The following EYS variants were observed in gnomAD, a reference collection of about 807,000 sequenced individuals.
EYS encodes the protein protein eyes shut homolog.
EYS carries 250 observed loss-of-function variants against 282.1 expected under a neutral mutation model. The observed-to-expected ratio is 0.89, with a 90% CI of 0.80 to 0.98. The LOEUF is 0.98. EYS is among the 50% of genes least tolerant of loss of function. The pLI is 0.00. For synonymous variants in EYS, 1,355 were observed against 1,282.9 expected (o/e 1.06, Z -1.20); for missense variants, 4,016 against 3,709.0 (o/e 1.08, Z -2.15).
At chr6:64,253,982 C>A (rs951379163) in intron 30 of EYS, among the ~76,000 whole-genome samples, 7 of 152,106 alleles carry the variant, frequency 4.6e-5, no homozygotes, top group African/African-American at 1.7e-4. Context: ...TAACCCCCAA[C>A]TTCCCCTCAT....
chr6:63,852,809 G>A (rs980191373), intron 36 of EYS, among the ~76,000 whole-genome samples: 1 of 152,140 alleles, frequency 6.6e-6, no homozygotes, highest in East Asian at 1.9e-4. Context: ...TCATCCCTGG[G>A]ATGCAAGGGT....
At chr6:64,677,670 C>G (rs1252034797) in intron 22 of EYS, among the ~76,000 whole-genome samples, 2 of 152,022 alleles carry the variant, frequency 1.3e-5, no homozygotes, top group African/African-American at 4.8e-5. Flanking sequence ...TGAAATAAAA[C>G]ATTTCTTCTA....
intron 12 of EYS, among the ~76,000 whole-genome samples, chr6:65,197,794 G>A (rs1156236714): frequency 6.6e-6 from 1 of 152,002 alleles, no homozygotes; most frequent in Non-Finnish European, 1.5e-5. Flanking sequence ...CCTGTATAAA[G>A]GACTTAACAT....
chr6:63,840,235 A>ATTATTATTGTTG (rs112733240), intron 36 of EYS, among the ~76,000 whole-genome samples: 1 of 145,968 alleles, frequency 6.9e-6, no homozygotes, highest in African/African-American at 2.5e-5. Flanking sequence ...TATTATTATT[A>ATTATTATTGTTG]TTGTATTTTT....
At chr6:64,097,547 C>A (rs2150256641) in intron 31 of EYS, among the ~76,000 whole-genome samples, 1 of 152,252 alleles carries the variant, frequency 6.6e-6, no homozygotes, top group East Asian at 1.9e-4. Flanking sequence ...TAGGACCCTG[C>A]AAGCCAAGCA....
intron 36 of EYS, among the ~76,000 whole-genome samples, chr6:63,830,694 C>T (rs911492597): frequency 2.0e-5 from 3 of 152,090 alleles, no homozygotes; most frequent in African/African-American, 7.2e-5. Flanking sequence ...GGCCAACATT[C>T]AAATTCAGGA....
intron 35 of EYS, 139 bp downstream of exon 35, chr6:63,984,244 A>T (rs1767243309): frequency 1.5e-6 from 1 of 646,610 alleles, no homozygotes; most frequent in African/African-American, 1.9e-5. Flanking sequence ...TGTGTGCATC[A>T]TTTAGGTGAT....
At chr6:63,728,401 G>A (rs926253226) in intron 41 of EYS, among the ~76,000 whole-genome samples, 1 of 151,972 alleles carries the variant, frequency 6.6e-6, no homozygotes, top group African/African-American at 2.4e-5. Flanking sequence ...ATACATGGAA[G>A]GTATTTTTAA....
intron 16 of EYS, among the ~76,000 whole-genome samples, chr6:64,906,508 G>T (rs554248071): frequency 6.6e-6 from 1 of 152,232 alleles, no homozygotes; most frequent in East Asian, 1.9e-4. Context: ...GTTTGTACTT[G>T]TATACCTTAG....
At chr6:64,626,370 T>A in intron 22 of EYS, 125 bp from the exon 23 acceptor site, 1 of 1,139,638 alleles carries the variant, frequency 8.8e-7, no homozygotes, top group Non-Finnish European at 1.2e-6. Context: ...CTGGGAGCCT[T>A]CCTTGGGGTG....
At chr6:64,220,703 T>G (rs1052537810) in intron 31 of EYS, among the ~76,000 whole-genome samples, 4 of 152,194 alleles carry the variant, frequency 2.6e-5, no homozygotes, top group African/African-American at 9.6e-5. Context: ...AGTTCCCTTC[T>G]GCAAACATCT....
chr6:64,002,110 C>T (rs1214781195), intron 33 of EYS, among the ~76,000 whole-genome samples: 4 of 152,168 alleles, frequency 2.6e-5, no homozygotes, highest in Non-Finnish European at 2.9e-5. Context: ...AGACCAGCCA[C>T]GGTGGAACAA....
chr6:64,125,208 G>A (rs779750536), intron 31 of EYS, among the ~76,000 whole-genome samples: 1 of 148,962 alleles, frequency 6.7e-6, no homozygotes, highest in Non-Finnish European at 1.5e-5. Flanking sequence ...GTAATGACAG[G>A]TTTATTATGC....
At position 64,591,645 on chromosome 6, in the gene EYS, A is replaced by G; in HGVS notation, c.4222T>C (p.Ser1408Pro). The change falls in exon 26 of 43, where the codon TCT becomes CCT. Residue 1408 changes from serine (S) to proline (P), a missense_variant. Transcript: ENST00000503581. ...GTCTGACAGTTCTCAAATAATAAAG[A>G]TTGTGTAGGAAAAATAAAATCTGAC... ...LMSDFIFPTQ[S>P]LLFENCQTVA... The G allele has an allele frequency of 6.4e-7, 1 of 1,551,264 alleles. No individual in the cohort carries two copies. The highest frequency in any genetic ancestry group is 8.7e-7 in the Non-Finnish European group (1 of 1,146,750).
chr6:65,350,666 TC>T (rs1770565080), intron 9 of EYS, among the ~76,000 whole-genome samples: 1 of 151,690 alleles, frequency 6.6e-6, no homozygotes, highest in South Asian at 2.1e-4. Context: ...CAACTCTTTA[TC>T]CACTCTGTCA....
intron 5 of EYS, among the ~76,000 whole-genome samples, chr6:65,468,377 A>G (rs1375047402): frequency 6.6e-6 from 1 of 152,136 alleles, no homozygotes; most frequent in Non-Finnish European, 1.5e-5. Flanking sequence ...ACTAAGCTAG[A>G]TTAGCTACTT....
intron 19 of EYS, among the ~76,000 whole-genome samples, chr6:64,854,813 C>T (rs1766003576): frequency 6.6e-6 from 1 of 151,804 alleles, no homozygotes; most frequent in South Asian, 2.1e-4. Flanking sequence ...CAGTCTATTT[C>T]AAGATACAGG....
intron 22 of EYS, among the ~76,000 whole-genome samples, chr6:64,789,283 T>G (rs957707324): frequency 2.0e-5 from 3 of 152,218 alleles, no homozygotes; most frequent in African/African-American, 7.2e-5. Context: ...CACAAATCAC[T>G]TGAGACCCTG....
chr6:64,882,094 A>C (rs1266634212), intron 19 of EYS, among the ~76,000 whole-genome samples: 2 of 151,784 alleles, frequency 1.3e-5, no homozygotes, highest in Non-Finnish European at 1.5e-5. Context: ...GACAGCTTGG[A>C]CATAGTAAGC....
Sources: allele counts gnomAD v4.1 joint callset (sites outside exome capture counted in the v4.1 genomes callset), GRCh38; gene constraint gnomAD v4.1.1; transcripts MANE v1.5; gene names NCBI Gene and HGNC (gene_info 2026-07-23, HGNC 2026-07-21).